Variants in ZFAND3 observed in about 807,000 individuals in gnomAD.
ZFAND3 encodes AN1-type zinc finger protein 3.
In ZFAND3, 10 loss-of-function variants were observed where a neutral mutation model predicts 29.6. The observed-to-expected ratio is 0.34, with a 90% CI of 0.21 to 0.57. The LOEUF (loss-of-function observed/expected upper bound fraction) is 0.57. Among genes scored for constraint, ZFAND3 ranks in the 20% least tolerant of loss-of-function variants. The probability of loss-of-function intolerance (pLI) is 0.86; values close to 1 mark genes in which losing one functional copy is unlikely to be tolerated. For missense variants in ZFAND3, 230 were observed against 304.5 expected, an observed-to-expected ratio of 0.76 and a Z score of 1.82; for synonymous variants, 128 against 112.6, an observed-to-expected ratio of 1.14 and a Z score of -0.87.
At chr6:38,127,695 T>C (rs942772286) in intron 5 of ZFAND3, among the ~76,000 whole-genome samples, 1 of 140,756 alleles carries the variant, frequency 7.1e-6, no homozygotes, top group African/African-American at 2.6e-5. Context: ...GTCTCATCTC[T>C]TTTTTTTTTT....
intron 1 of ZFAND3, among the ~76,000 whole-genome samples, chr6:37,869,188 TCTCG>T (rs1764645978): frequency 6.6e-6 from 1 of 152,156 alleles, no homozygotes; most frequent in African/African-American, 2.4e-5. Context: ...TGAGATGGAG[TCTCG>T]CTCTATCATC....
chr6:38,049,725 C>G (rs1763980893), intron 2 of ZFAND3, among the ~76,000 whole-genome samples: 1 of 152,114 alleles, frequency 6.6e-6, no homozygotes, highest in South Asian at 2.1e-4. Context: ...GTCATCTTCT[C>G]TGAACATCCC....
intron 1 of ZFAND3, among the ~76,000 whole-genome samples, chr6:37,858,125 A>G (rs929594525): frequency 1.3e-5 from 2 of 152,172 alleles, no homozygotes; most frequent in African/African-American, 4.8e-5. Context: ...ATAGTTTGCT[A>G]ACATTCCTGT....
At chr6:37,897,062 ATGT>A (rs577932639) in intron 1 of ZFAND3, among the ~76,000 whole-genome samples, 98 of 152,260 alleles carry the variant, frequency 6.4e-4, no homozygotes, top group African/African-American at 1.9e-3. Flanking sequence ...AACAAGTATG[ATGT>A]TAAATTTACA....
chr6:37,993,696 A>T (rs986433136), intron 2 of ZFAND3, among the ~76,000 whole-genome samples: 1 of 152,226 alleles, frequency 6.6e-6, no homozygotes, highest in Non-Finnish European at 1.5e-5. Flanking sequence ...GTTACCAATA[A>T]AGTATGTGTG....
At chr6:37,974,611 G>T (rs1762450033) in intron 2 of ZFAND3, among the ~76,000 whole-genome samples, 1 of 152,014 alleles carries the variant, frequency 6.6e-6, no homozygotes, top group Admixed American at 6.6e-5. Flanking sequence ...GCCCAGGCTG[G>T]TCTCAAACTC....
In ZFAND3 at chr6:38,152,716, T is replaced by C; in HGVS notation, c.*327T>C. The C allele has an allele frequency of 9.6e-7, 1 of 1,042,108 alleles. No individual in the cohort carries two copies. The highest frequency in any genetic ancestry group is 1.7e-5 in the African/African-American group (1 of 59,520). The allele number at this position is 1,042,108 out of a possible 1,614,324, so 64.6% of individuals were successfully genotyped here. ...CTTATAAAAAGCCTTAAGTGGAAAGTGTTCCAGACGGAGACTCTGAGTTAA... is the reference window on the plus strand; with the variant it reads ...CTTATAAAAAGCCTTAAGTGGAAAGCGTTCCAGACGGAGACTCTGAGTTAA... On this transcript the variant is annotated 3_prime_UTR_variant, in exon 6 of 6. Coordinates refer to ENST00000287218, the MANE Select transcript of ZFAND3 (RefSeq NM_021943.3).
intron 4 of ZFAND3, among the ~76,000 whole-genome samples, chr6:38,084,029 ATAAACT>A (rs1172082754): frequency 2.0e-5 from 3 of 152,202 alleles, no homozygotes; most frequent in African/African-American, 7.2e-5. Context: ...GTAGGCACTC[ATAAACT>A]TAAGTATATT....
At position 38,074,292 on chromosome 6, in the gene ZFAND3, T is replaced by A. The variant is rs1764512153; in HGVS notation, c.296-8100T>A. Among the ~76,000 whole-genome samples, 5 of 152,262 alleles carry A rather than the reference T, an allele frequency of 3.3e-5. No homozygotes were observed. In the South Asian group the frequency reaches 8.3e-4, roughly 25 times the overall value. ...CCTTTAAGCCAGGCCACTCTCATTA[T>A]TTTTTAAGTTGCAGTTATTTTTCAT... On this transcript the variant is annotated intron_variant, in intron 3 of 5. Transcript: ENST00000287218.
In ZFAND3 at chr6:38,045,390, T is replaced by C. The variant is rs73419913; in HGVS notation, c.113-16203T>C. On this transcript the variant is annotated intron_variant, in intron 2 of 5. Coordinates refer to ENST00000287218, the MANE Select transcript of ZFAND3 (RefSeq NM_021943.3). ...AGATTTGAGCCACTGTGCCCGGCCA[T>C]TCCTATGTCGAAATTCTAATACATT... 1.4e-3 allele frequency among the ~76,000 whole-genome samples: 220 copies of C among 152,226 alleles called. 1 individual carries two copies. The highest frequency in any genetic ancestry group is 4.4e-3 in the African/African-American group (183 of 41,544).
chr6:37,943,925 A>G (rs1207942693), intron 2 of ZFAND3, among the ~76,000 whole-genome samples: 1 of 152,184 alleles, frequency 6.6e-6, no homozygotes, highest in African/African-American at 2.4e-5. Flanking sequence ...TACATGCTAT[A>G]TTAGTAATCT....
intron 1 of ZFAND3, among the ~76,000 whole-genome samples, chr6:37,845,359 G>T (rs1239963662): frequency 1.3e-5 from 2 of 151,876 alleles, no homozygotes; most frequent in African/African-American, 4.8e-5. Context: ...TTTTCTTCTG[G>T]GTTAAAATTT....
chr6:38,151,192 C>G (rs1034110690), intron 5 of ZFAND3, among the ~76,000 whole-genome samples: 3 of 152,208 alleles, frequency 2.0e-5, no homozygotes, highest in Non-Finnish European at 1.5e-5. Flanking sequence ...GCTCCTGGCT[C>G]CCTGCAGCCC....
At chr6:38,109,688 T>C (rs1765277515) in intron 4 of ZFAND3, among the ~76,000 whole-genome samples, 1 of 152,052 alleles carries the variant, frequency 6.6e-6, no homozygotes, top group African/African-American at 2.4e-5. Context: ...CTAATCTCAG[T>C]CTTTAAAACA....
intron 5 of ZFAND3, among the ~76,000 whole-genome samples, chr6:38,134,195 T>C (rs145189215): frequency 9.2e-4 from 140 of 152,292 alleles, no homozygotes; most frequent in Middle Eastern, 6.8e-3. Flanking sequence ...TGTACCTGGG[T>C]AATATGAGAC....
At chr6:38,099,133 G>A (rs1765042767) in intron 4 of ZFAND3, among the ~76,000 whole-genome samples, 1 of 151,940 alleles carries the variant, frequency 6.6e-6, no homozygotes, top group African/African-American at 2.4e-5. Flanking sequence ...CACAATTTAG[G>A]GGCCACAGAG....
chr6:38,121,157 C>T (rs1388260098), intron 5 of ZFAND3, among the ~76,000 whole-genome samples: 1 of 152,134 alleles, frequency 6.6e-6, no homozygotes, highest in African/African-American at 2.4e-5. Context: ...AGTTCAAAAC[C>T]AGCTTGTTGC....
At position 38,023,222 on chromosome 6, in the gene ZFAND3, A is replaced by T. The variant is rs60508820; in HGVS notation, c.113-38371A>T. The stretch of plus-strand genomic sequence containing the variant: ...TTATCCTTCCGATAGGTTTTTATTC[A>T]CAAAACCTCTCTAGAGAAGGAGCTA... On this transcript the variant is annotated intron_variant, in intron 2 of 5. Coordinates refer to ENST00000287218, the MANE Select transcript of ZFAND3 (RefSeq NM_021943.3). Among the ~76,000 whole-genome samples the T allele has an allele frequency of 0.017, 2,590 of 152,312 alleles. 254 individuals carry two copies. The East Asian group carries it at 0.28, about 16-fold the overall frequency.
At chr6:38,038,782 C>T (rs1202819971) in intron 2 of ZFAND3, among the ~76,000 whole-genome samples, 2 of 152,052 alleles carry the variant, frequency 1.3e-5, no homozygotes, top group Admixed American at 6.6e-5. Flanking sequence ...GTTTACATGT[C>T]ATTTTAGATG....
Sources: allele counts gnomAD v4.1 joint callset (sites outside exome capture counted in the v4.1 genomes callset), GRCh38; gene constraint gnomAD v4.1.1; transcripts MANE v1.5; gene names NCBI Gene and HGNC (gene_info 2026-07-23, HGNC 2026-07-21).